The following RHPN2 variants were observed in gnomAD, a reference collection of about 807,000 sequenced individuals.
The protein encoded by RHPN2 is rhophilin Rho GTPase binding protein 2.
Under a neutral mutation model 79.0 loss-of-function variants are expected in RHPN2, and 40 were observed. That is an observed-to-expected ratio of 0.51 (90% CI 0.39 to 0.66). RHPN2 has a LOEUF of 0.66. Among genes scored for constraint, RHPN2 ranks in the 30% least tolerant of loss-of-function variants. RHPN2 has a pLI of 0.00. For synonymous variants in RHPN2, 285 were observed against 363.5 expected (o/e 0.78, Z 2.46); for missense variants, 686 against 883.5 (o/e 0.78, Z 2.83).
chr19:33,056,796 G>C (rs973937315), intron 1 of RHPN2, among the ~76,000 whole-genome samples: 1 of 152,048 alleles, frequency 6.6e-6, no homozygotes. Flanking sequence ...ACTGTGGAAG[G>C]CTGAGGCTTG....
At position 32,978,677 on chromosome 19, in the gene RHPN2, CCTTT is replaced by C. The variant is rs760914219; in HGVS notation, c.*1315_*1318del. ...TACACTTTCCCAAAGGTGGTTGCTTCCTTTAAGATATTGCACAATAGAAAATAAA... is the reference window on the plus strand; with the variant it reads ...TACACTTTCCCAAAGGTGGTTGCTTCAAGATATTGCACAATAGAAAATAAA... On this transcript the variant is annotated 3_prime_UTR_variant, in exon 15 of 15. Transcript: ENST00000254260. 4 of 152,726 alleles carry C rather than the reference CCTTT, an allele frequency of 2.6e-5. No individual in the cohort carries two copies. Among genetic ancestry groups the C allele is most frequent in the Non-Finnish European group, 5.9e-5 (4 of 68,034 alleles). The allele number at this position is 152,726 out of a possible 1,614,324, so 9.5% of individuals were successfully genotyped here. A position where few individuals can be genotyped will look rare whatever the true frequency, so the allele number is the denominator to read the frequency against.
At chr19:33,009,423 C>G (rs1490117841) in intron 6 of RHPN2, among the ~76,000 whole-genome samples, 1 of 152,020 alleles carries the variant, frequency 6.6e-6, no homozygotes, top group Non-Finnish European at 1.5e-5. Context: ...TTTCTGAAAT[C>G]TAAAAACTCA....
intron 14 of RHPN2, among the ~76,000 whole-genome samples, chr19:32,989,508 C>T (rs1359007674): frequency 1.3e-5 from 2 of 152,268 alleles, no homozygotes; most frequent in East Asian, 1.9e-4. Flanking sequence ...GCCTCTAGGG[C>T]GTACAGAGGG....
chr19:33,024,767 G>A (rs113426022), intron 3 of RHPN2, among the ~76,000 whole-genome samples: 4 of 152,106 alleles, frequency 2.6e-5, no homozygotes, highest in African/African-American at 7.2e-5. Context: ...GAAGCATTTC[G>A]CTTAGGGTTC....
intron 2 of RHPN2, among the ~76,000 whole-genome samples, chr19:33,033,494 A>C (rs1345519028): frequency 6.6e-6 from 1 of 152,192 alleles, no homozygotes; most frequent in Admixed American, 6.5e-5. Flanking sequence ...TGAACCTGGG[A>C]AGCGAAGATT....
chr19:33,026,540 C>G lies in RHPN2; in HGVS notation c.278G>C (p.Gly93Ala). ...DLQMLKEELE[G>A]LNISVGVYQN... Reference sequence around the variant, plus strand: ...ATAGACGCCCACCGAGATGTTCAGCCCCTCCAGCTCTTCCTTGAGCATCTG... The same window carrying G: ...ATAGACGCCCACCGAGATGTTCAGCGCCTCCAGCTCTTCCTTGAGCATCTG... Residue 93 changes from glycine to alanine, a missense_variant, in exon 3 of 15, where the codon GGG becomes GCG. Transcript: ENST00000254260. 1 of 1,608,574 alleles carries G rather than the reference C, an allele frequency of 6.2e-7. No individual in the cohort carries two copies. Among genetic ancestry groups the G allele is most frequent in the Non-Finnish European group, 8.5e-7 (1 of 1,179,454 alleles).
At chr19:33,058,430 A>C (rs929935080) in intron 1 of RHPN2, among the ~76,000 whole-genome samples, 2 of 152,218 alleles carry the variant, frequency 1.3e-5, no homozygotes, top group Non-Finnish European at 2.9e-5. Context: ...CACAGAGAAC[A>C]GGATGAAAGA....
chr19:33,039,809 G>T (rs144711630), intron 2 of RHPN2, among the ~76,000 whole-genome samples: 74 of 150,170 alleles, frequency 4.9e-4, no homozygotes, highest in African/African-American at 1.7e-3. Flanking sequence ...CTGCACTCCA[G>T]CCTGGGTGAC....
chr19:33,001,441 C>T (rs1971748220), intron 9 of RHPN2, among the ~76,000 whole-genome samples: 1 of 151,956 alleles, frequency 6.6e-6, no homozygotes, highest in Non-Finnish European at 1.5e-5. Flanking sequence ...ATTTGGGAGG[C>T]TGAATTGGGA....
Position 32,996,458 on chromosome 19 carries a change from A to G in RHPN2, c.1226-238T>C, listed in dbSNP as rs1971702979. On this transcript the variant is annotated intron_variant, in intron 10 of 14. Coordinates refer to ENST00000254260, the MANE Select transcript of RHPN2 (RefSeq NM_033103.5). ...CCCCACTTATCCCCCTTAAGAGAAT[A>G]ACTAGTGTAAGCTGACTCCAAGCAC... 1.4e-5 allele frequency: 8 copies of G among 561,484 alleles called. No homozygotes were observed. The Admixed American group carries it at 2.2e-4, about 16-fold the overall frequency. The allele number at this position is 561,484 out of a possible 1,614,324, so 34.8% of individuals were successfully genotyped here.
intron 4 of RHPN2, 21 bp from the exon 5 acceptor site, chr19:33,012,745 G>C (rs1264535425): frequency 2.1e-6 from 3 of 1,408,150 alleles, no homozygotes; most frequent in Non-Finnish European, 3.0e-6. Context: ...AATGAGGTCA[G>C]ATGTTATAAA....
chr19:33,023,512 G>T (rs974577571), intron 3 of RHPN2, among the ~76,000 whole-genome samples: 1 of 151,760 alleles, frequency 6.6e-6, no homozygotes, highest in African/African-American at 2.4e-5. Flanking sequence ...ACAGGGCCAG[G>T]CATGGTGGCT....
chr19:33,058,616 C>T (rs963834104), intron 1 of RHPN2, among the ~76,000 whole-genome samples: 1 of 152,004 alleles, frequency 6.6e-6, no homozygotes, highest in Non-Finnish European at 1.5e-5. Context: ...CCCAACTCTA[C>T]TAAAAATACA....
intron 14 of RHPN2, among the ~76,000 whole-genome samples, chr19:32,982,697 A>C (rs1971584162): frequency 6.6e-6 from 1 of 151,898 alleles, no homozygotes; most frequent in South Asian, 2.1e-4. Context: ...AAATACCCTC[A>C]GTTCTCTTCC....
At chr19:33,042,678 T>C (rs1972109547) in intron 2 of RHPN2, among the ~76,000 whole-genome samples, 1 of 152,084 alleles carries the variant, frequency 6.6e-6, no homozygotes, top group Admixed American at 6.6e-5. Flanking sequence ...ATGTTTGTAA[T>C]CCCAGCACTC....
intron 1 of RHPN2, among the ~76,000 whole-genome samples, chr19:33,055,733 T>TGA (rs775956481): frequency 1.5e-5 from 2 of 136,308 alleles, no homozygotes; most frequent in Non-Finnish European, 3.2e-5. Flanking sequence ...GCTTCTGGGT[T>TGA]AAAAAAAAAA....
At chr19:33,052,788 G>A (rs1972199577) in intron 1 of RHPN2, among the ~76,000 whole-genome samples, 1 of 152,042 alleles carries the variant, frequency 6.6e-6, no homozygotes, top group African/African-American at 2.4e-5. Context: ...CAGGTGTCAG[G>A]GCTGGAGGTG....
At chr19:33,023,992 C>T (rs11084696) in intron 3 of RHPN2, among the ~76,000 whole-genome samples, 1 of 151,808 alleles carries the variant, frequency 6.6e-6, no homozygotes, top group East Asian at 1.9e-4. Context: ...ATGGCAAATG[C>T]GAGTGTGGAA....
At chr19:33,048,731 A>AAAAAAAAAAAAC (rs1972162982) in intron 1 of RHPN2, among the ~76,000 whole-genome samples, 1 of 150,988 alleles carries the variant, frequency 6.6e-6, no homozygotes, top group African/African-American at 2.4e-5. Context: ...GTCTCAAAAA[A>AAAAAAAAAAAAC]AAAAAAAAAA....
Sources: allele counts gnomAD v4.1 joint callset (sites outside exome capture counted in the v4.1 genomes callset), GRCh38; gene constraint gnomAD v4.1.1; transcripts MANE v1.5; gene names NCBI Gene and HGNC (gene_info 2026-07-23, HGNC 2026-07-21).